Variants in ARMH3 observed in about 807,000 individuals in gnomAD.
ARMH3 encodes the protein armadillo-like helical domain-containing protein 3.
ARMH3 carries 60 observed loss-of-function variants against 99.1 expected under a neutral mutation model. That is an observed-to-expected ratio of 0.61 (90% CI 0.49 to 0.75). The LOEUF is 0.75. Among genes scored for constraint, ARMH3 ranks in the 30% least tolerant of loss-of-function variants. The probability of loss-of-function intolerance (pLI) is 0.00; values close to 1 mark genes in which losing one functional copy is unlikely to be tolerated. For missense variants in ARMH3, 679 were observed against 843.1 expected (o/e 0.81, Z 2.41); for synonymous variants, 285 against 292.8 (o/e 0.97, Z 0.27).
chr10:101,905,067 G>C (rs1243055694), intron 23 of ARMH3, among the ~76,000 whole-genome samples: 1 of 151,990 alleles, frequency 6.6e-6, no homozygotes, highest in African/African-American at 2.4e-5. Flanking sequence ...GAGCTATTAA[G>C]ACTATATTTC....
intron 23 of ARMH3, among the ~76,000 whole-genome samples, chr10:101,917,376 A>G (rs943777936): frequency 2.6e-5 from 4 of 152,322 alleles, no homozygotes; most frequent in East Asian, 1.9e-4. Context: ...GGATCTGGAT[A>G]GTTTCATACT....
intron 23 of ARMH3, among the ~76,000 whole-genome samples, chr10:101,921,886 G>A (rs1843321414): frequency 6.6e-6 from 1 of 152,178 alleles, no homozygotes; most frequent in Non-Finnish European, 1.5e-5. Flanking sequence ...ATAACATATA[G>A]TTAGATAGAA....
chr10:101,992,160 CT>C, intron 17 of ARMH3, 122 bp from the exon 18 acceptor site: 1 of 840,658 alleles, frequency 1.2e-6, no homozygotes. Context: ...TTTTCTTTCT[CT>C]TTTTCACATG....
rs200386406 is a variant in ARMH3, at chr10:102,034,648, G to GA, written c.103-1310dup. ...GAGACTCCATCTCAAAAAAAAAAAA[G>GA]AAAAAAAAGAGAAGCCCTACTTTAA... On this transcript the variant is annotated intron_variant, in intron 2 of 25. Transcript: ENST00000370033. Among the ~76,000 whole-genome samples the GA allele has an allele frequency of 8.4e-3, 1,229 of 146,858 alleles. 37 individuals carry two copies. In the East Asian group the frequency reaches 0.11, roughly 13 times the overall value.
chr10:101,944,261 TATATATATATATAGAGAGAGAGAG>T lies in ARMH3; in HGVS notation c.1706-4347_1706-4324del, dbSNP rs1272482536. Among the ~76,000 whole-genome samples, 11 of 67,338 alleles carry T rather than the reference TATATATATATATAGAGAGAGAGAG, an allele frequency of 1.6e-4. No individual in the cohort carries two copies. The East Asian group carries it at 2.1e-3, about 13-fold the overall frequency. The allele number at this position is 67,338 out of a possible 152,430, so 44.2% of individuals were successfully genotyped here. On this transcript the variant is annotated intron_variant, in intron 22 of 25. Transcript: ENST00000370033. Reference sequence around the variant, plus strand: ...TTGAGCCTATATATATATATATATATATATATATATATAGAGAGAGAGAGAGAGAGAGAGAGAGAGAGAGAGAGA... The same window carrying T: ...TTGAGCCTATATATATATATATATATAGAGAGAGAGAGAGAGAGAGAGAGA...
chr10:101,865,752 G>A (rs2066987538), intron 24 of ARMH3, among the ~76,000 whole-genome samples: 1 of 151,426 alleles, frequency 6.6e-6, no homozygotes, highest in South Asian at 2.1e-4. Context: ...GCCTTCCAAA[G>A]TGCTGGGATT....
intron 1 of ARMH3, among the ~76,000 whole-genome samples, chr10:102,053,432 G>A (rs931251753): frequency 2.0e-5 from 3 of 151,762 alleles, no homozygotes; most frequent in Non-Finnish European, 2.9e-5. Context: ...ATGGGGTCTC[G>A]CCATGTTGAG....
At chr10:102,029,457 A>T in intron 5 of ARMH3, 181 bp downstream of exon 5, 2 of 1,546,976 alleles carry the variant, frequency 1.3e-6, no homozygotes, top group Non-Finnish European at 1.7e-6. Context: ...ATTTGAATTT[A>T]AAATTTTCCT....
At chr10:101,872,559 T>G (rs1160127364) in intron 24 of ARMH3, among the ~76,000 whole-genome samples, 1 of 151,792 alleles carries the variant, frequency 6.6e-6, no homozygotes, top group Non-Finnish European at 1.5e-5. Context: ...CAGCTGGACG[T>G]GGTGGCACGC....
At chr10:101,909,094 G>A (rs1842763077) in intron 23 of ARMH3, among the ~76,000 whole-genome samples, 1 of 151,706 alleles carries the variant, frequency 6.6e-6, no homozygotes, top group African/African-American at 2.4e-5. Flanking sequence ...ATAGTACCAT[G>A]TTCAGAACAG....
In ARMH3 at chr10:102,040,004, A is replaced by T; in HGVS notation, c.102+9T>A. ...CTCAAGCTGTACACAACAAGGCCGC[A>T]GGCCTTACCATGAAGATCTCATCAT... On this transcript the variant is annotated intron_variant, in intron 2 of 25. Transcript: ENST00000370033. The T allele has an allele frequency of 6.2e-7, 1 of 1,607,642 alleles. No homozygotes were observed. The highest frequency in any genetic ancestry group is 8.5e-7 in the Non-Finnish European group (1 of 1,174,034).
chr10:101,886,734 G>A (rs2067556894), intron 24 of ARMH3, among the ~76,000 whole-genome samples: 1 of 152,156 alleles, frequency 6.6e-6, no homozygotes. Flanking sequence ...AGGCTGGAAT[G>A]TGTCTAGGGG....
At chr10:102,055,881 C>T (rs1164868824) in intron 1 of ARMH3, among the ~76,000 whole-genome samples, 1 of 152,216 alleles carries the variant, frequency 6.6e-6, no homozygotes, top group Non-Finnish European at 1.5e-5. Context: ...TCTCTCTAGG[C>T]TCGGCCGCCC....
chr10:102,048,173 T>C (rs1368631273), intron 1 of ARMH3, among the ~76,000 whole-genome samples: 1 of 152,184 alleles, frequency 6.6e-6, no homozygotes, highest in Non-Finnish European at 1.5e-5. Context: ...AAAAAGGGCG[T>C]TGAAGCAACA....
chr10:102,027,231 A>G (rs1337739333), intron 5 of ARMH3, among the ~76,000 whole-genome samples: 1 of 148,156 alleles, frequency 6.7e-6, no homozygotes, highest in Non-Finnish European at 1.5e-5. Flanking sequence ...GTGAGCCGAG[A>G]TTGCACCACT....
Position 101,849,774 on chromosome 10 carries a change from A to G in ARMH3, c.1977+2T>C. 1 of 1,613,534 alleles carries G rather than the reference A, an allele frequency of 6.2e-7. No homozygotes were observed. The highest frequency in any genetic ancestry group is 8.5e-7 in the Non-Finnish European group (1 of 1,179,538). On this transcript the variant is annotated splice_donor_variant, in intron 25 of 25. Coordinates refer to ENST00000370033, the MANE Select transcript of ARMH3 (RefSeq NM_024541.3). LOFTEE classifies it high-confidence loss of function. ...CACAGGCAGAGGCGGTGGGGCACTC[A>G]CCAGCTCTTTGAAGAAGGCAGCTTC...
At chr10:101,926,255 A>G (rs1438899509) in intron 23 of ARMH3, among the ~76,000 whole-genome samples, 2 of 152,174 alleles carry the variant, frequency 1.3e-5, no homozygotes, top group East Asian at 1.9e-4. Context: ...TGGTGTGATC[A>G]TAACTCACTG....
chr10:102,041,830 A>G (rs566902018), intron 1 of ARMH3, among the ~76,000 whole-genome samples: 10 of 152,098 alleles, frequency 6.6e-5, no homozygotes, highest in African/African-American at 2.4e-4. Flanking sequence ...TTGTATCTTT[A>G]GTAGAGACGG....
chr10:101,904,493 TA>T (rs1160526196), intron 23 of ARMH3, among the ~76,000 whole-genome samples: 6 of 151,966 alleles, frequency 3.9e-5, no homozygotes, highest in African/African-American at 1.2e-4. Context: ...ACTTGTTACT[TA>T]AAAAAAGAAA....
Sources: allele counts gnomAD v4.1 joint callset (sites outside exome capture counted in the v4.1 genomes callset), GRCh38; gene constraint gnomAD v4.1.1; transcripts MANE v1.5; gene names NCBI Gene and HGNC (gene_info 2026-07-23, HGNC 2026-07-21).